FKBP1B: variants seen among roughly 807,000 people sequenced by gnomAD.
FKBP1B encodes FKBP prolyl isomerase 1B, also known as peptidyl-prolyl cis-trans isomerase FKBP1B.
A neutral mutation model predicts 13.5 loss-of-function variants in FKBP1B; 4 were observed. The ratio of observed to expected loss-of-function variants is 0.30; its 90% CI spans 0.15 to 0.68. FKBP1B has a LOEUF of 0.68. Among genes scored for constraint, FKBP1B ranks in the 30% least tolerant of loss-of-function variants. FKBP1B has a pLI of 0.76. For missense variants in FKBP1B, 93 were observed against 136.2 expected, an observed-to-expected ratio of 0.68 and a Z score of 1.58; for synonymous variants, 54 against 53.6, an observed-to-expected ratio of 1.01 and a Z score of -0.03.
intron 1 of FKBP1B, 124 bp from the exon 2 acceptor site, chr2:24,053,778 G>A: frequency 1.1e-6 from 1 of 907,666 alleles, no homozygotes; most frequent in Non-Finnish European, 1.8e-6. Context: ...CAGAACTAGG[G>A]CCACAGGCAT....
At position 24,060,690 on chromosome 2, in the gene FKBP1B, A is replaced by T; in HGVS notation, c.86-124A>T. 4.4e-6 allele frequency: 3 copies of T among 680,108 alleles called. No individual in the cohort carries two copies. The East Asian group carries it at 8.3e-5, about 19-fold the overall frequency. 42.1% of individuals were successfully genotyped at this position (680,108 alleles called of 1,614,324 possible). ...ATTTCCTGCTTGGGCAACAGGATGGATGGGGAGGATCGGAAGAGGAGCAGG... is the reference window on the plus strand; with the variant it reads ...ATTTCCTGCTTGGGCAACAGGATGGTTGGGGAGGATCGGAAGAGGAGCAGG... On this transcript the variant is annotated intron_variant, in intron 2 of 3. Transcript: ENST00000380986.
chr2:24,048,302 T>C (rs1663696944), upstream of FKBP1B, among the ~76,000 whole-genome samples: 1 of 151,906 alleles, frequency 6.6e-6, no homozygotes, highest in Non-Finnish European at 1.5e-5. Context: ...AAACCCTGTC[T>C]CTACTAAAAA....
Position 24,063,220 on chromosome 2 carries a change from A to G in FKBP1B, c.*28A>G. On this transcript the variant is annotated 3_prime_UTR_variant, in exon 4 of 4. Transcript: ENST00000380986. The stretch of plus-strand genomic sequence containing the variant: ...GCAGGAAGGAACTCAAGGTGGCTGG[A>G]GATGGCTGCTGCTCACCCTCCTAGC... 1.3e-6 allele frequency: 2 copies of G among 1,555,806 alleles called. No individual in the cohort carries two copies.
chr2:24,063,469 GATCT>G lies in FKBP1B; in HGVS notation c.*278_*281del. The G allele has an allele frequency of 2.8e-6, 1 of 362,590 alleles. No individual in the cohort carries two copies. The highest frequency in any genetic ancestry group is 4.9e-6 in the Non-Finnish European group (1 of 202,158). The allele number at this position is 362,590 out of a possible 1,614,324, so 22.5% of individuals were successfully genotyped here. A position where few individuals can be genotyped will look rare whatever the true frequency, so the allele number is the denominator to read the frequency against. ...TAGCCTTTCCTGATGACAGAACACAGATCTCTTGTTCGCACAATCTACACTGCCT... is the reference window on the plus strand; with the variant it reads ...TAGCCTTTCCTGATGACAGAACACAGCTTGTTCGCACAATCTACACTGCCT... On this transcript the variant is annotated 3_prime_UTR_variant, in exon 4 of 4. Coordinates refer to ENST00000380986, the MANE Select transcript of FKBP1B (RefSeq NM_004116.5).
At chr2:24,046,798 T>C (rs1663640509), upstream of FKBP1B, among the ~76,000 whole-genome samples, 1 of 152,244 alleles carries the variant, frequency 6.6e-6, no homozygotes, top group African/African-American at 2.4e-5. Context: ...CTCTAGACTC[T>C]TCTATGCATA....
chr2:24,038,198 A>G, the FKBP1B span: 6 of 1,614,116 alleles, frequency 3.7e-6, no homozygotes, highest in Admixed American at 1.7e-5. Context: ...TCTTCTTCCA[A>G]CATTATTTCT....
chr2:24,045,540 G>T (rs1243021241), upstream of FKBP1B, among the ~76,000 whole-genome samples: 1 of 149,692 alleles, frequency 6.7e-6, no homozygotes, highest in African/African-American at 2.5e-5. Context: ...GGCGGAGGTT[G>T]CAGTGAGCCG....
Position 24,058,054 on chromosome 2 carries a change from A to G in FKBP1B, c.86-2760A>G, listed in dbSNP as rs746212214. ...TCTACTAAAAATACAAAAATTAGCC[A>G]GGCATGGTGGTGCATGCCTGTAATC... is the stretch of plus-strand genomic sequence containing the variant. On this transcript the variant is annotated intron_variant, in intron 2 of 3. Transcript: ENST00000380986. Among the ~76,000 whole-genome samples the G allele has an allele frequency of 2.0e-5, 3 of 151,890 alleles. No individual in the cohort carries two copies. The South Asian group carries it at 6.2e-4, about 32-fold the overall frequency.
At chr2:24,041,004 G>A in the FKBP1B span, among the ~76,000 whole-genome samples, 3 of 151,318 alleles carry the variant, frequency 2.0e-5, no homozygotes, top group Non-Finnish European at 4.4e-5. Context: ...TAACAACAGC[G>A]AAACTCCACC....
At chr2:24,049,914 AG>A in intron 1 of FKBP1B, 28 bp downstream of exon 1, 1 of 1,372,974 alleles carries the variant, frequency 7.3e-7, no homozygotes. Flanking sequence ...GAGCCAGGGG[AG>A]GGGAGGGGTC....
At chr2:24,044,185 T>C in the FKBP1B span, among the ~76,000 whole-genome samples, 1 of 151,974 alleles carries the variant, frequency 6.6e-6, no homozygotes, top group Non-Finnish European at 1.5e-5. Flanking sequence ...TTCTGTCTAA[T>C]GTCAATGAGG....
chr2:24,061,532 T>C (rs1392069125), intron 3 of FKBP1B, among the ~76,000 whole-genome samples: 1 of 151,966 alleles, frequency 6.6e-6, no homozygotes, highest in Non-Finnish European at 1.5e-5. Flanking sequence ...TGGGGTGGAG[T>C]AGGCCAAGAA....
intron 3 of FKBP1B, 79 bp from the exon 4 acceptor site, chr2:24,062,985 C>G (rs377237447): frequency 5.6e-6 from 9 of 1,607,150 alleles, no homozygotes; most frequent in Non-Finnish European, 6.0e-6. Flanking sequence ...TGGGAAAATG[C>G]CATAGTCATC....
At chr2:24,041,109 C>T in the FKBP1B span, among the ~76,000 whole-genome samples, 375 of 152,100 alleles carry the variant, frequency 2.5e-3, 2 homozygotes, top group African/African-American at 8.5e-3. Flanking sequence ...GAGGCTGAGG[C>T]GGGTGGATCA....
At chr2:24,039,105 C>T in the FKBP1B span, 1 of 1,614,216 alleles carries the variant, frequency 6.2e-7, no homozygotes, top group Non-Finnish European at 8.5e-7. Context: ...GAGCAGTCAA[C>T]ACAGTCAGAA....
intron 3 of FKBP1B, among the ~76,000 whole-genome samples, chr2:24,062,368 G>A (rs919253906): frequency 6.6e-5 from 10 of 151,828 alleles, no homozygotes; most frequent in African/African-American, 2.2e-4. Context: ...TAGTACAGAC[G>A]GGGTCTCACC....
chr2:24,057,035 T>C (rs564207509), intron 2 of FKBP1B, among the ~76,000 whole-genome samples: 13 of 152,314 alleles, frequency 8.5e-5, no homozygotes, highest in Admixed American at 5.2e-4. Context: ...GTATATGTTT[T>C]GGATATGAGT....
intron 1 of FKBP1B, among the ~76,000 whole-genome samples, chr2:24,052,047 C>T (rs1238757971): frequency 2.0e-5 from 3 of 152,184 alleles, no homozygotes; most frequent in Non-Finnish European, 4.4e-5. Flanking sequence ...AAACAGAAAA[C>T]CCAAGCATCG....
At chr2:24,052,767 G>C (rs768921461) in intron 1 of FKBP1B, among the ~76,000 whole-genome samples, 3 of 152,090 alleles carry the variant, frequency 2.0e-5, no homozygotes, top group Non-Finnish European at 4.4e-5. Flanking sequence ...AGGAGTTCAA[G>C]GCCAACCTGG....
Sources: allele counts gnomAD v4.1 joint callset (sites outside exome capture counted in the v4.1 genomes callset), GRCh38; gene constraint gnomAD v4.1.1; transcripts MANE v1.5; gene names NCBI Gene and HGNC (gene_info 2026-07-23, HGNC 2026-07-21).